Variants in TENM2 observed in about 807,000 individuals in gnomAD.
TENM2 encodes teneurin-2.
In TENM2, 52 loss-of-function variants were observed where a neutral mutation model predicts 245.2. The ratio of observed to expected loss-of-function variants is 0.21; its 90% CI spans 0.17 to 0.27. The LOEUF (loss-of-function observed/expected upper bound fraction) is 0.27. TENM2 is among the 10% of genes least tolerant of loss of function. The probability of loss-of-function intolerance (pLI) is 1.00; values close to 1 mark genes in which losing one functional copy is unlikely to be tolerated. For missense variants in TENM2, 3,046 were observed against 3,666.8 expected (o/e 0.83, Z 4.37); for synonymous variants, 1,363 against 1,438.9 (o/e 0.95, Z 1.19).
intron 23 of TENM2, 88 bp downstream of exon 25, chr5:168,219,087 T>C (rs1415724599): frequency 2.3e-6 from 3 of 1,330,742 alleles, no homozygotes; most frequent in Non-Finnish European, 3.1e-6. Flanking sequence ...CTTTTTAAAT[T>C]GCTTTGTCAC....
intron 2 of TENM2, among the ~76,000 whole-genome samples, chr5:167,633,785 G>A (rs77718828): frequency 2.0e-5 from 3 of 151,980 alleles, no homozygotes; most frequent in Non-Finnish European, 4.4e-5. Context: ...TTCTACAAAA[G>A]AAATTAATCA....
At chr5:167,058,812 G>A in the TENM2 span, among the ~76,000 whole-genome samples, 1 of 152,120 alleles carries the variant, frequency 6.6e-6, no homozygotes. Flanking sequence ...AAGAGAAAGT[G>A]CACAGCTCAT....
chr5:167,198,592 G>T, the TENM2 span, among the ~76,000 whole-genome samples: 1 of 152,074 alleles, frequency 6.6e-6, no homozygotes, highest in East Asian at 1.9e-4. Flanking sequence ...GTTAAAGTTT[G>T]GTGAAAGAGT....
At chr5:167,410,943 A>C (rs1297448524) in intron 2 of TENM2, among the ~76,000 whole-genome samples, 1 of 152,100 alleles carries the variant, frequency 6.6e-6, no homozygotes, top group Non-Finnish European at 1.5e-5. Context: ...TCTAGCCACA[A>C]CCAAATAACC....
the TENM2 span, chr5:167,164,932 G>T: frequency 2.0e-5 from 3 of 152,126 alleles, no homozygotes; most frequent in Non-Finnish European, 4.4e-5. Context: ...AGGAGAATTT[G>T]ATTGATCATT....
chr5:167,024,034 A>AT, the TENM2 span, among the ~76,000 whole-genome samples: 1 of 152,214 alleles, frequency 6.6e-6, no homozygotes, highest in Non-Finnish European at 1.5e-5. Context: ...AAAATTCATA[A>AT]GTCTGGCATT....
intron 2 of TENM2, among the ~76,000 whole-genome samples, chr5:167,844,862 A>AG (rs397773666): frequency 4.6e-5 from 7 of 150,848 alleles, no homozygotes; most frequent in Non-Finnish European, 7.4e-5. Flanking sequence ...AAAAAAAAAA[A>AG]TCCTTCGTAG....
intron 12 of TENM2, among the ~76,000 whole-genome samples, chr5:168,138,378 A>G (rs191521973): frequency 6.6e-6 from 1 of 152,378 alleles, no homozygotes; most frequent in East Asian, 1.9e-4. Flanking sequence ...CTTAAAAATT[A>G]TTAACACCAC....
chr5:168,093,737 C>T (rs1793140934), intron 8 of TENM2, among the ~76,000 whole-genome samples: 1 of 152,024 alleles, frequency 6.6e-6, no homozygotes, highest in Admixed American at 6.6e-5. Context: ...ATCTGGAGGC[C>T]ACTTCTTCCT....
In TENM2 at chr5:167,416,219, T is replaced by C. The variant is rs140706842; in HGVS notation, c.502+40746T>C. On this transcript the variant is annotated intron_variant, in intron 2 of 28. Transcript: ENST00000518659. ...TAAGCCAGTGTGTGGATGCCTTTAT[T>C]GTAACAGTGCCAATTCCTTTAAATA... 2.0e-3 allele frequency among the ~76,000 whole-genome samples: 303 copies of C among 152,336 alleles called. 2 individuals are homozygous for C. In the Middle Eastern group the frequency reaches 0.031, roughly 15 times the overall value.
rs1247007537 is a variant in TENM2 at position 168,123,134 on chromosome 5, AG to A, written c.2009-1715del. 3.2e-3 allele frequency among the ~76,000 whole-genome samples: 457 copies of A among 140,760 alleles called. 3 individuals are homozygous for A. The highest frequency in any genetic ancestry group is 0.011 in the African/African-American group (422 of 37,532). 92.3% of individuals were successfully genotyped at this position (140,760 alleles called of 152,430 possible). A position where few individuals can be genotyped will look rare whatever the true frequency, so the allele number is the denominator to read the frequency against. Reference sequence around the variant, plus strand: ...CAACATAGCAAGACCCCATTTCTAGAGAAAAAAAAAAAAACATAGCTGGACA... The same window carrying A: ...CAACATAGCAAGACCCCATTTCTAGAAAAAAAAAAAAAACATAGCTGGACA... On this transcript the variant is annotated intron_variant, in intron 10 of 28. Transcript: ENST00000518659.
chr5:167,745,449 T>C (rs1274679199), intron 2 of TENM2, among the ~76,000 whole-genome samples: 1 of 152,246 alleles, frequency 6.6e-6, no homozygotes, highest in Non-Finnish European at 1.5e-5. Flanking sequence ...ATATGAAATG[T>C]AGGGAGATTT....
At chr5:167,265,879 G>T in the TENM2 span, among the ~76,000 whole-genome samples, 1 of 151,982 alleles carries the variant, frequency 6.6e-6, no homozygotes, top group Admixed American at 6.6e-5. Flanking sequence ...GACCTAGCTT[G>T]GGTCATGGGC....
intron 2 of TENM2, among the ~76,000 whole-genome samples, chr5:167,534,545 A>G (rs1458813694): frequency 6.6e-6 from 1 of 152,234 alleles, no homozygotes; most frequent in Non-Finnish European, 1.5e-5. Context: ...CAAAATCCAA[A>G]TTTAACTGGG....
chr5:168,027,612 T>C (rs183842459), intron 5 of TENM2, among the ~76,000 whole-genome samples: 1 of 152,310 alleles, frequency 6.6e-6, no homozygotes, highest in African/African-American at 2.4e-5. Flanking sequence ...TGCTTGGTAC[T>C]GAAAACATCA....
chr5:167,983,760 C>A (rs1783023687), intron 4 of TENM2, among the ~76,000 whole-genome samples: 1 of 152,136 alleles, frequency 6.6e-6, no homozygotes, highest in Non-Finnish European at 1.5e-5. Context: ...AAATTCTCAA[C>A]TGGAAGAAGA....
At chr5:167,940,491 A>T (rs1416387031) in intron 3 of TENM2, among the ~76,000 whole-genome samples, 1 of 152,202 alleles carries the variant, frequency 6.6e-6, no homozygotes, top group Non-Finnish European at 1.5e-5. Context: ...GCTGTCTCGG[A>T]AGGCAGGTCT....
chr5:167,460,148 G>A (rs886953885), intron 2 of TENM2, among the ~76,000 whole-genome samples: 1 of 152,014 alleles, frequency 6.6e-6, no homozygotes, highest in East Asian at 1.9e-4. Flanking sequence ...TTAAGTAATT[G>A]GTCCCAAGTT....
intron 2 of TENM2, among the ~76,000 whole-genome samples, chr5:167,584,921 G>A (rs567220584): frequency 1.3e-3 from 203 of 152,218 alleles, no homozygotes; most frequent in African/African-American, 4.5e-3. Flanking sequence ...GTGAGGACAG[G>A]AGCCATGTGT....
Sources: gnomAD v4.1 joint callset for allele counts (sites outside exome capture counted in the v4.1 genomes callset) on GRCh38, gnomAD v4.1.1 for gene constraint, MANE v1.5 for transcripts, NCBI Gene and HGNC (gene_info 2026-07-23, HGNC 2026-07-21) for gene names.